Variants in KLF12 observed in about 807,000 individuals in gnomAD.
KLF12 encodes Krueppel-like factor 12.
KLF12 carries 9 observed loss-of-function variants against 37.8 expected under a neutral mutation model. That is an observed-to-expected ratio of 0.24 (90% CI 0.14 to 0.42). KLF12 has a LOEUF of 0.42. KLF12 is among the 10% of genes least tolerant of loss of function. KLF12 has a pLI of 1.00. For missense variants in KLF12, 411 were observed against 516.0 expected, an observed-to-expected ratio of 0.80 and a Z score of 1.97; for synonymous variants, 208 against 202.1, an observed-to-expected ratio of 1.03 and a Z score of -0.25.
intron 3 of KLF12, among the ~76,000 whole-genome samples, chr13:73,926,272 C>A (rs1889371639): frequency 6.6e-6 from 1 of 152,162 alleles, no homozygotes; most frequent in Non-Finnish European, 1.5e-5. Flanking sequence ...GCCACCCCAA[C>A]CTCAGCAACC....
chr13:73,997,345 C>A (rs566764582), intron 1 of KLF12, among the ~76,000 whole-genome samples: 45 of 150,698 alleles, frequency 3.0e-4, no homozygotes, highest in African/African-American at 8.7e-4. Flanking sequence ...AATAATAATA[C>A]CTGCTTTATA....
intron 5 of KLF12, among the ~76,000 whole-genome samples, chr13:73,785,664 A>C (rs889903001): frequency 1.3e-5 from 2 of 151,958 alleles, no homozygotes; most frequent in Non-Finnish European, 2.9e-5. Context: ...AGAGCCATGT[A>C]ATCATTGTTG....
At chr13:73,972,793 G>T (rs1286893030) in intron 2 of KLF12, among the ~76,000 whole-genome samples, 1 of 151,104 alleles carries the variant, frequency 6.6e-6, no homozygotes, top group Non-Finnish European at 1.5e-5. Context: ...TCAAGGTTGT[G>T]TGTGTTTTGC....
At chr13:73,851,151 A>G (rs1885314468) in intron 3 of KLF12, among the ~76,000 whole-genome samples, 1 of 152,214 alleles carries the variant, frequency 6.6e-6, no homozygotes, top group Non-Finnish European at 1.5e-5. Flanking sequence ...GAAATGAGAG[A>G]GACAAGCAAA....
At chr13:73,732,326 G>T (rs1016291409) in intron 6 of KLF12, among the ~76,000 whole-genome samples, 8 of 151,908 alleles carry the variant, frequency 5.3e-5, no homozygotes, top group African/African-American at 1.9e-4. Context: ...CTGACCTCAG[G>T]TGATCCATCC....
chr13:74,056,556 A>T (rs569416006), intron 1 of KLF12, among the ~76,000 whole-genome samples: 62 of 152,346 alleles, frequency 4.1e-4, no homozygotes, highest in Non-Finnish European at 7.2e-4. Context: ...CTCCCTGCAC[A>T]GAGGGGAGAA....
At chr13:74,129,117 A>G (rs757861113) in intron 1 of KLF12, among the ~76,000 whole-genome samples, 8 of 152,212 alleles carry the variant, frequency 5.3e-5, no homozygotes, top group Non-Finnish European at 1.0e-4. Context: ...AAATCCATGG[A>G]TGCTCAAGTC....
At chr13:74,077,813 C>A (rs1268637784) in intron 1 of KLF12, among the ~76,000 whole-genome samples, 1 of 152,172 alleles carries the variant, frequency 6.6e-6, no homozygotes, top group Non-Finnish European at 1.5e-5. Flanking sequence ...AAATTTAGTT[C>A]TCTGCCCAAT....
chr13:73,721,087 C>T (rs1035729702), intron 6 of KLF12, among the ~76,000 whole-genome samples: 2 of 152,168 alleles, frequency 1.3e-5, no homozygotes, highest in Non-Finnish European at 1.5e-5. Context: ...CAGGCACCGA[C>T]CTAAATGCCT....
At chr13:73,956,314 T>C (rs781344743) in intron 2 of KLF12, among the ~76,000 whole-genome samples, 1 of 152,210 alleles carries the variant, frequency 6.6e-6, no homozygotes, top group African/African-American at 2.4e-5. Flanking sequence ...AAAATAAATG[T>C]TGCCAATAGA....
Position 74,124,970 on chromosome 13 carries a change from A to G in KLF12, c.-32+8769T>C, listed in dbSNP as rs560672676. 2.6e-5 allele frequency among the ~76,000 whole-genome samples: 4 copies of G among 152,022 alleles called. No homozygotes were observed. In the East Asian group the frequency reaches 7.7e-4, roughly 29 times the overall value. On this transcript the variant is annotated intron_variant, in intron 1 of 7. Transcript: ENST00000377669. ...AGACCAGCCTGGCCACCATGGTGAA[A>G]CCCGTCTCTACTAAAAGCACAAAAA...
intron 7 of KLF12, among the ~76,000 whole-genome samples, chr13:73,709,200 A>G (rs1448536708): frequency 6.6e-6 from 1 of 152,230 alleles, no homozygotes; most frequent in Non-Finnish European, 1.5e-5. Flanking sequence ...TCTTTCAAAT[A>G]CCTACAAATA....
At chr13:74,018,373 C>T (rs1892755325) in intron 1 of KLF12, among the ~76,000 whole-genome samples, 1 of 152,118 alleles carries the variant, frequency 6.6e-6, no homozygotes, top group Admixed American at 6.5e-5. Flanking sequence ...ACATTCAAGA[C>T]ATCTATTGTA....
At chr13:74,112,022 A>T (rs1876999898) in intron 1 of KLF12, among the ~76,000 whole-genome samples, 1 of 152,248 alleles carries the variant, frequency 6.6e-6, no homozygotes, top group African/African-American at 2.4e-5. Context: ...TAGCAAAAAT[A>T]CATGACTCTT....
intron 4 of KLF12, among the ~76,000 whole-genome samples, chr13:73,819,015 G>C (rs1883384483): frequency 6.6e-6 from 1 of 152,188 alleles, no homozygotes; most frequent in African/African-American, 2.4e-5. Flanking sequence ...TGAATGTTTG[G>C]GGAGGAATGT....
chr13:73,782,828 C>T lies in KLF12; in HGVS notation c.807-17828G>A, dbSNP rs988533124. On this transcript the variant is annotated intron_variant, in intron 5 of 7. Transcript: ENST00000377669. ...CTGCTTCAGAAGTCAAAAGAGTTCT[C>T]TACTGTGTCTGGGGCTCTAATTTGT... Among the ~76,000 whole-genome samples, 6 of 152,210 alleles carry T rather than the reference C, an allele frequency of 3.9e-5. No homozygotes were observed. In the East Asian group the frequency reaches 9.6e-4, roughly 24 times the overall value.
At position 73,868,476 on chromosome 13, in the gene KLF12, C is replaced by T. The variant is rs191983285; in HGVS notation, c.124-22103G>A. 4.9e-3 allele frequency among the ~76,000 whole-genome samples: 738 copies of T among 152,030 alleles called. 6 individuals are homozygous for T. Among genetic ancestry groups the T allele is most frequent in the South Asian group, 0.011 (55 of 4,802 alleles). On this transcript the variant is annotated intron_variant, in intron 3 of 7. Coordinates refer to ENST00000377669, the MANE Select transcript of KLF12 (RefSeq NM_007249.5). ...CACAATCTCAGCTCACCACAACCTC[C>T]GCCTCCCGGGTTCAAGTGATTCTTC...
chr13:74,232,155 T>A, the KLF12 span, among the ~76,000 whole-genome samples: 1 of 152,134 alleles, frequency 6.6e-6, no homozygotes, highest in African/African-American at 2.4e-5. Flanking sequence ...TGGGACAGTG[T>A]GGGAAGAAGG....
intron 1 of KLF12, among the ~76,000 whole-genome samples, chr13:74,078,107 A>AG (rs1205478211): frequency 1.3e-5 from 2 of 152,240 alleles, no homozygotes; most frequent in African/African-American, 4.8e-5. Flanking sequence ...AGTCCCAGCC[A>AG]GCCAAACTGA....
Sources: allele counts gnomAD v4.1 joint callset (sites outside exome capture counted in the v4.1 genomes callset), GRCh38; gene constraint gnomAD v4.1.1; transcripts MANE v1.5; gene names NCBI Gene and HGNC (gene_info 2026-07-23, HGNC 2026-07-21).